The following SMG1 variants were observed in gnomAD, a reference collection of about 807,000 sequenced individuals.
The protein encoded by SMG1 is SMG1 nonsense mediated mRNA decay associated PI3K related kinase, also known as serine/threonine-protein kinase SMG1.
Under a neutral mutation model 419.9 loss-of-function variants are expected in SMG1, and 22 were observed. That is an observed-to-expected ratio of 0.05 (90% confidence interval 0.04 to 0.07). The LOEUF (loss-of-function observed/expected upper bound fraction) is 0.07. SMG1 is among the 10% of genes least tolerant of loss of function. SMG1 has a pLI of 1.00. For missense variants in SMG1, 3,185 were observed against 4,342.0 expected, an observed-to-expected ratio of 0.73 and a Z score of 7.49; for synonymous variants, 1,538 against 1,553.5, an observed-to-expected ratio of 0.99 and a Z score of 0.23.
chr16:18,832,914 A>T, intron 51 of SMG1, 26 bp downstream of exon 51: 1 of 1,594,722 alleles, frequency 6.3e-7, no homozygotes, highest in East Asian at 2.2e-5. Context: ...TTTTACAAGG[A>T]AACGGCACAG....
In SMG1 at chr16:18,860,556, G is replaced by A. The variant is rs546158207; in HGVS notation, c.3805+111C>T. The A allele has an allele frequency of 8.2e-4, 503 of 613,238 alleles. 4 individuals are homozygous for A. In the African/African-American group the frequency reaches 8.9e-3, roughly 11 times the overall value. The allele number at this position is 613,238 out of a possible 1,614,324, so 38.0% of individuals were successfully genotyped here. On this transcript the variant is annotated intron_variant, in intron 26 of 62. Transcript: ENST00000446231. Reference sequence around the variant, plus strand: ...AATTTGTTGCTTCACATGGGATTCTGCCCCCACAAAAATGTAAAATAACTT... The same window carrying A: ...AATTTGTTGCTTCACATGGGATTCTACCCCCACAAAAATGTAAAATAACTT...
chr16:18,879,060 A>C, intron 11 of SMG1: 1 of 211,018 alleles, frequency 4.7e-6, no homozygotes, highest in African/African-American at 2.4e-5. Flanking sequence ...AAATGAAAGC[A>C]CAGATTATAA....
At chr16:18,820,234 G>C (rs1053541144) in intron 55 of SMG1, among the ~76,000 whole-genome samples, 2 of 152,054 alleles carry the variant, frequency 1.3e-5, no homozygotes, top group African/African-American at 4.8e-5. Flanking sequence ...AAAGTGCTGG[G>C]ATTACAGGTG....
chr16:18,863,281 T>C (rs1302005446), intron 25 of SMG1, among the ~76,000 whole-genome samples: 5 of 152,348 alleles, frequency 3.3e-5, no homozygotes, highest in Admixed American at 3.3e-4. Flanking sequence ...CTGTCCTCAT[T>C]AGAATAAATG....
intron 37 of SMG1, 93 bp from the exon 38 acceptor site, chr16:18,847,700 T>A: frequency 6.3e-7 from 1 of 1,581,098 alleles, no homozygotes. Context: ...GTGTGTGCAA[T>A]TGGTGCTCAT....
At chr16:18,860,080 C>T (rs1296846281) in intron 26 of SMG1, among the ~76,000 whole-genome samples, 7 of 152,004 alleles carry the variant, frequency 4.6e-5, no homozygotes, top group African/African-American at 7.2e-5. Flanking sequence ...TACCTGGGCA[C>T]GGTGGCAGAC....
At position 18,837,346 on chromosome 16, in the gene SMG1, T is replaced by A; in HGVS notation, c.7511A>T (p.Asp2504Val). The A allele has an allele frequency of 6.2e-7, 1 of 1,614,010 alleles. No homozygotes were observed. The highest frequency in any genetic ancestry group is 1.3e-5 in the African/African-American group (1 of 75,048). ...EYLSLQEQLT[D>V]VEKLQGKLLE... is the part of the protein sequence containing the mutation. ...TAGTTTGCCCTGCAGTTTTTCCACA[T>A]CTGTCAGTTGCTCTTGCAAGCTTAG... Residue 2504 changes from aspartate to valine, a missense_variant, in exon 46 of 63, where the codon GAT becomes GTT. Transcript: ENST00000446231.
chr16:18,854,000 GCATAGGAGGCT>G, intron 30 of SMG1, 133 bp from the exon 31 acceptor site: 1 of 644,958 alleles, frequency 1.6e-6, no homozygotes, highest in African/African-American at 2.1e-5. Context: ...CTATGCTCAA[GCATAGGAGGCT>G]CCTACTGTCT....
chr16:18,895,063 C>T (rs1482183461), intron 3 of SMG1, among the ~76,000 whole-genome samples: 5 of 151,984 alleles, frequency 3.3e-5, no homozygotes, highest in Admixed American at 2.0e-4. Flanking sequence ...GTGATCCGCC[C>T]GTCTCAGCCT....
In SMG1 at chr16:18,926,017, G is replaced by C; in HGVS notation, c.25C>G (p.Arg9Gly). 1 of 1,579,926 alleles carries C rather than the reference G, an allele frequency of 6.3e-7. No individual in the cohort carries two copies. Among genetic ancestry groups the C allele is most frequent in the Non-Finnish European group, 8.5e-7 (1 of 1,170,444 alleles). The change falls in exon 1 of 63, where the codon CGG becomes GGG. Residue 9 changes from arginine (R) to glycine (G), a missense_variant. Physicochemically the swap from Arg to Gly is moderately radical, Grantham distance 125. This residue lies in a region of SMG1 where 88 missense variants were observed against 85.9 expected (regional missense o/e 1.02). Coordinates refer to ENST00000446231, the MANE Select transcript of SMG1 (RefSeq NM_015092.5). The part of the protein sequence containing the change: MSRRAPGS[R>G]LSSGGGGGGT... ...CCGCCGCCGCCGCCGCTGCTCAGCC[G>C]AGACCCCGGGGCTCTGCGGCTCATT...
At chr16:18,907,096 C>A (rs1040269124) in intron 1 of SMG1, among the ~76,000 whole-genome samples, 16 of 152,102 alleles carry the variant, frequency 1.1e-4, no homozygotes, top group African/African-American at 1.2e-4. Flanking sequence ...TCCGCCTGGC[C>A]AATATGACGA....
At chr16:18,815,305 T>G (rs1337406336) in intron 59 of SMG1, 24 bp from the exon 60 acceptor site, 6 of 1,548,414 alleles carry the variant, frequency 3.9e-6, no homozygotes, top group Non-Finnish European at 5.3e-6. Flanking sequence ...TAAAATGGCT[T>G]ATTTACGAAA....
rs1261782969 is a variant in SMG1 at position 18,864,010 on chromosome 16, G to A, written c.3485C>T (p.Ser1162Phe). The change falls in exon 24 of 63, where the codon TCT becomes TTT. Residue 1162 changes from serine to phenylalanine, a missense_variant. Ser to Phe is a radical substitution (Grantham distance 155). Around this residue, in one of 27 missense-constraint regions of SMG1, gnomAD observed 121 missense variants for 125.4 expected, o/e 0.96. Transcript: ENST00000446231. ...AAATACTGAACGCTCACCATTCAGA[G>A]AATGTTTCGGGCTGGCACTGTTACG... ...AGRNSASPKH[S>F]LNGESRKTVL... 6.5e-7 allele frequency: 1 copy of A among 1,549,840 alleles called. No individual in the cohort carries two copies. The highest frequency in any genetic ancestry group is 1.4e-5 in the African/African-American group (1 of 72,956).
chr16:18,807,343 A>G lies in SMG1; in HGVS notation c.*2226T>C, dbSNP rs777181711. 1 of 152,230 alleles carries G rather than the reference A, an allele frequency of 6.6e-6. No individual in the cohort carries two copies. Among genetic ancestry groups the G allele is most frequent in the Non-Finnish European group, 1.5e-5 (1 of 68,036 alleles). The allele number at this position is 152,230 out of a possible 1,614,324, so 9.4% of individuals were successfully genotyped here. ...TTGAGAGAGCAGAGGTAATGTGATG[A>G]ATGTAATTTGCTCCCAGAGCCTCTA... is the stretch of plus-strand genomic sequence containing the variant. On this transcript the variant is annotated 3_prime_UTR_variant, in exon 63 of 63. Transcript: ENST00000446231.
In SMG1 at chr16:18,815,228, T is replaced by C; in HGVS notation, c.10568A>G (p.Asn3523Ser). The change falls in exon 60 of 63, where the codon AAT becomes AGT. Residue 3523 changes from asparagine to serine, a missense_variant. This residue lies in a region of SMG1 where 737 missense variants were observed against 846.6 expected (regional missense o/e 0.87). Transcript: ENST00000446231. ...AGATGACGTTGGACTCGAACATTCA[T>C]TTGTTGCATCGGTGACTAAGGGTGA... ...FASPLVTDAT[N>S]ECSSPTSSAT... 1.3e-6 allele frequency: 2 copies of C among 1,596,524 alleles called. No homozygotes were observed. Among genetic ancestry groups the C allele is most frequent in the Non-Finnish European group, 1.7e-6 (2 of 1,170,988 alleles).
At chr16:18,880,729 G>A (rs1374472816) in intron 10 of SMG1, among the ~76,000 whole-genome samples, 1 of 133,460 alleles carries the variant, frequency 7.5e-6, no homozygotes, top group Non-Finnish European at 1.6e-5. Flanking sequence ...AAAGGGGGGG[G>A]GCGCGGAGGG....
intron 26 of SMG1, among the ~76,000 whole-genome samples, chr16:18,860,327 T>G (rs2035148732): frequency 6.6e-6 from 1 of 152,344 alleles, no homozygotes; most frequent in South Asian, 2.1e-4. Context: ...TTAATAACAT[T>G]TTATAAAGTG....
intron 60 of SMG1, 146 bp from the exon 61 acceptor site, chr16:18,812,273 C>A: frequency 1.4e-6 from 1 of 731,296 alleles, no homozygotes; most frequent in Admixed American, 3.5e-5. Context: ...CAGCAATTGT[C>A]TTCCTAAAAA....
chr16:18,919,659 C>CACAT (rs1555507770), intron 1 of SMG1, among the ~76,000 whole-genome samples: 240 of 8,036 alleles, frequency 0.03, no homozygotes, highest in Middle Eastern at 0.14. Flanking sequence ...TGTATATATA[C>CACAT]ACACACACAC....
Sources: allele counts gnomAD v4.1 joint callset (sites outside exome capture counted in the v4.1 genomes callset), GRCh38; gene constraint gnomAD v4.1.1; regional missense constraint gnomAD v4.1.1; transcripts MANE v1.5; gene names NCBI Gene and HGNC (gene_info 2026-07-23, HGNC 2026-07-21).